ZNF385D: variants seen among roughly 807,000 people sequenced by gnomAD.
ZNF385D encodes zinc finger protein 659.
A neutral mutation model predicts 35.8 loss-of-function variants in ZNF385D; 15 were observed. The ratio of observed to expected loss-of-function variants is 0.42; its 90% CI spans 0.28 to 0.64. ZNF385D has a LOEUF of 0.64. Among genes scored for constraint, ZNF385D ranks in the 30% least tolerant of loss-of-function variants. ZNF385D has a pLI of 0.23. For synonymous variants in ZNF385D, 212 were observed against 186.8 expected (o/e 1.13, Z -1.10); for missense variants, 474 against 494.6 (o/e 0.96, Z 0.39).
At chr3:21,778,190 A>G (rs903489615) in intron 3 of ZNF385D, among the ~76,000 whole-genome samples, 4 of 151,910 alleles carry the variant, frequency 2.6e-5, no homozygotes, top group African/African-American at 9.7e-5. Flanking sequence ...CTCATTTAGA[A>G]ACAGTGATAC....
At chr3:21,987,706 A>G (rs183656150) in intron 3 of ZNF385D, among the ~76,000 whole-genome samples, 192 of 145,494 alleles carry the variant, frequency 1.3e-3, no homozygotes, top group African/African-American at 4.8e-3. Context: ...CTGAATCTGA[A>G]CATTGGCCTG....
At chr3:22,181,747 A>G (rs1695293066) in intron 2 of ZNF385D, among the ~76,000 whole-genome samples, 1 of 151,898 alleles carries the variant, frequency 6.6e-6, no homozygotes, top group Admixed American at 6.6e-5. Flanking sequence ...GATATACATC[A>G]TGAGTGGGAT....
At chr3:22,188,391 TCTGCTGTGTGTTTTAGCA>T (rs1210567100) in intron 2 of ZNF385D, among the ~76,000 whole-genome samples, 1 of 152,162 alleles carries the variant, frequency 6.6e-6, no homozygotes, top group Non-Finnish European at 1.5e-5. Flanking sequence ...ACACACTGAT[TCTGCTGTGTGTTTTAGCA>T]AGTTATTGTG....
intron 1 of ZNF385D, among the ~76,000 whole-genome samples, chr3:21,702,889 G>T (rs1297732494): frequency 6.6e-6 from 1 of 152,106 alleles, no homozygotes; most frequent in Non-Finnish European, 1.5e-5. Context: ...GGACCTTATT[G>T]TTCATATCAC....
chr3:22,306,983 A>C (rs1703262003), intron 2 of ZNF385D, among the ~76,000 whole-genome samples: 1 of 152,176 alleles, frequency 6.6e-6, no homozygotes, highest in African/African-American at 2.4e-5. Context: ...CATGCATTAG[A>C]GTTTCAAGAA....
intron 2 of ZNF385D, among the ~76,000 whole-genome samples, chr3:22,226,553 T>C (rs968105092): frequency 6.6e-6 from 1 of 152,240 alleles, no homozygotes; most frequent in Non-Finnish European, 1.5e-5. Context: ...GAAGCATATA[T>C]GTAATAATCA....
chr3:21,980,404 A>G (rs1694363915), intron 3 of ZNF385D, among the ~76,000 whole-genome samples: 2 of 152,186 alleles, frequency 1.3e-5, no homozygotes, highest in Admixed American at 1.3e-4. Flanking sequence ...TTATTACATA[A>G]AAGTAGATAA....
chr3:22,057,178 AATCTACTCACT>A lies in ZNF385D; in HGVS notation c.325+111628_325+111638del, dbSNP rs1699449544. 4.6e-5 allele frequency among the ~76,000 whole-genome samples: 7 copies of A among 152,350 alleles called. 1 individual carries two copies. The South Asian group carries it at 1.4e-3, about 32-fold the overall frequency. ...CATACACCTGATTTAAAGTCTAGCTAATCTACTCACTATTGTACAACCTTGGGCAAGTTAAT... is the reference window on the plus strand; with the variant it reads ...CATACACCTGATTTAAAGTCTAGCTAATTGTACAACCTTGGGCAAGTTAAT... On this transcript the variant is annotated intron_variant, in intron 3 of 5. Coordinates refer to the ZNF385D transcript ENST00000494108.
intron 3 of ZNF385D, among the ~76,000 whole-genome samples, chr3:22,090,762 A>T (rs1010991570): frequency 5.3e-5 from 8 of 152,162 alleles, no homozygotes; most frequent in Admixed American, 4.6e-4. Context: ...GAAATTGACA[A>T]CACTGAATGT....
At chr3:21,522,826 TG>T (rs1707998779) in intron 3 of ZNF385D, among the ~76,000 whole-genome samples, 1 of 152,196 alleles carries the variant, frequency 6.6e-6, no homozygotes, top group African/African-American at 2.4e-5. Context: ...AAAAATTTTT[TG>T]TTTTCTGCCT....
intron 3 of ZNF385D, among the ~76,000 whole-genome samples, chr3:21,913,250 A>G (rs1008701811): frequency 6.6e-6 from 1 of 152,130 alleles, no homozygotes; most frequent in Non-Finnish European, 1.5e-5. Flanking sequence ...GCAGTGCTGC[A>G]ATGCGTGTTA....
At chr3:22,067,692 A>C (rs1040841117) in intron 3 of ZNF385D, among the ~76,000 whole-genome samples, 1 of 152,228 alleles carries the variant, frequency 6.6e-6, no homozygotes. Context: ...CAAATTATAT[A>C]AGGGAAAGAA....
intron 2 of ZNF385D, chr3:21,579,342 C>G (rs1337679573): frequency 1.3e-5 from 2 of 151,960 alleles, no homozygotes; most frequent in Admixed American, 6.6e-5. Flanking sequence ...AAACGTGGGT[C>G]AAATGTTGAA....
rs186143677 is a variant in ZNF385D at position 21,734,183 on chromosome 3, A to G, written c.22+16712T>C. On this transcript the variant is annotated intron_variant, in intron 1 of 7. Coordinates refer to ENST00000281523, the MANE Select transcript of ZNF385D (RefSeq NM_024697.3). ...TATAGAGAGCCAACAATCTTGTGAT[A>G]TTAGCGAAGAGTTTGTGAAAATACT... Among the ~76,000 whole-genome samples the G allele has an allele frequency of 1.3e-3, 199 of 152,206 alleles. 1 individual carries two copies. Among genetic ancestry groups the G allele is most frequent in the East Asian group, 0.013 (65 of 5,166 alleles).
chr3:21,984,305 C>T (rs1367622660), intron 3 of ZNF385D, among the ~76,000 whole-genome samples: 8 of 143,612 alleles, frequency 5.6e-5, no homozygotes, highest in Middle Eastern at 3.2e-3. Flanking sequence ...TTAGGTCTAA[C>T]GTTTAAATCT....
intron 5 of ZNF385D, among the ~76,000 whole-genome samples, chr3:21,428,947 C>CTTTTTTTTTTTTTTTTTTTTTTTTTTTT (rs1575127423): frequency 1.3e-4 from 7 of 53,334 alleles, no homozygotes; most frequent in Non-Finnish European, 1.7e-4. Context: ...TTTTTTTTTG[C>CTTTTTTTTTTTTTTTTTTTTTTTTTTTT]TTTCTGCTTA....
intron 3 of ZNF385D, among the ~76,000 whole-genome samples, chr3:22,046,255 A>G (rs2125517026): frequency 6.6e-6 from 1 of 152,208 alleles, no homozygotes; most frequent in South Asian, 2.1e-4. Flanking sequence ...ATAAACTTCT[A>G]TTTTCTAAAA....
At chr3:22,061,702 A>G (rs996373260) in intron 3 of ZNF385D, among the ~76,000 whole-genome samples, 2 of 152,172 alleles carry the variant, frequency 1.3e-5, no homozygotes, top group Admixed American at 6.5e-5. Context: ...GAGGCCTTCT[A>G]TGACCATCAC....
intron 3 of ZNF385D, among the ~76,000 whole-genome samples, chr3:21,975,266 T>A (rs1010098860): frequency 1.6e-4 from 25 of 152,152 alleles, no homozygotes; most frequent in African/African-American, 5.1e-4. Context: ...AGAACATGGA[T>A]GGAACTGGAA....
Sources: allele counts gnomAD v4.1 joint callset (sites outside exome capture counted in the v4.1 genomes callset), GRCh38; gene constraint gnomAD v4.1.1; transcripts MANE v1.5; gene names NCBI Gene and HGNC (gene_info 2026-07-23, HGNC 2026-07-21).